BRDT: variants seen among roughly 807,000 people sequenced by gnomAD.
BRDT encodes bromodomain testis associated.
BRDT carries 77 observed loss-of-function variants against 113.9 expected under a neutral mutation model. The observed-to-expected ratio is 0.68, with a 90% CI of 0.56 to 0.82. The LOEUF (loss-of-function observed/expected upper bound fraction) is 0.82, where lower values mean the gene tolerates loss of function less well. Among genes scored for constraint, BRDT ranks in the 40% least tolerant of loss-of-function variants. BRDT has a pLI of 0.00. For missense variants in BRDT, 1,027 were observed against 1,105.4 expected, an observed-to-expected ratio of 0.93 and a Z score of 1.01; for synonymous variants, 358 against 366.5, an observed-to-expected ratio of 0.98 and a Z score of 0.26.
intron 11 of BRDT, 110 bp from the exon 12 acceptor site, chr1:91,981,508 T>C (rs900066804): frequency 7.8e-6 from 12 of 1,546,584 alleles, no homozygotes; most frequent in Non-Finnish European, 1.1e-5. Context: ...CCTCTCAAAG[T>C]GCTGAGATTA....
At chr1:91,957,897 T>TA (rs1557800060) in intron 1 of BRDT, among the ~76,000 whole-genome samples, 1 of 152,030 alleles carries the variant, frequency 6.6e-6, no homozygotes, top group East Asian at 1.9e-4. Flanking sequence ...GGCTGGAGTT[T>TA]AGTAGGGCCA....
intron 15 of BRDT, 55 bp downstream of exon 15, chr1:91,994,309 A>G (rs1686075022): frequency 2.2e-6 from 3 of 1,344,132 alleles, no homozygotes; most frequent in South Asian, 3.0e-5. Flanking sequence ...CTAAACCTAT[A>G]CATATATGAA....
chr1:91,955,820 T>C (rs990400845), intron 1 of BRDT, among the ~76,000 whole-genome samples: 1 of 152,240 alleles, frequency 6.6e-6, no homozygotes, highest in African/African-American at 2.4e-5. Context: ...ACTGAGAAGA[T>C]AATCAGATTA....
intron 12 of BRDT, among the ~76,000 whole-genome samples, chr1:91,982,012 CAATA>C (rs1221365147): frequency 2.0e-5 from 3 of 151,970 alleles, no homozygotes; most frequent in African/African-American, 7.3e-5. Context: ...GGGATAGTCT[CAATA>C]AATAATTTCA....
At chr1:91,976,164 T>C (rs1684119215) in intron 4 of BRDT, 102 bp from the exon 5 acceptor site, 3 of 1,202,444 alleles carry the variant, frequency 2.5e-6, no homozygotes, top group African/African-American at 1.6e-5. Context: ...CCTATGCTTA[T>C]ATTGCTAAAA....
rs1364217466 is a variant in BRDT, at chr1:91,977,388, A to G, written c.964A>G (p.Ile322Val). Residue 322 changes from isoleucine to valine, a missense_variant, in exon 6 of 19, where the codon ATT becomes GTT. Ile to Val is a conservative substitution (Grantham distance 29, BLOSUM62 3). Transcript: ENST00000399546. ...VVKNPMDLGT[I>V]KEKMDNQEYK... The stretch of plus-strand genomic sequence containing the variant: ...CAAAAATCCGATGGATCTTGGAACT[A>G]TTAAGGTAAATGTTGCCTTAAAAGG... 5.1e-6 allele frequency: 8 copies of G among 1,557,742 alleles called. No homozygotes were observed. The East Asian group carries it at 6.8e-5, about 13-fold the overall frequency.
intron 4 of BRDT, among the ~76,000 whole-genome samples, chr1:91,971,106 G>C (rs1321744996): frequency 6.6e-6 from 1 of 151,952 alleles, no homozygotes; most frequent in Non-Finnish European, 1.5e-5. Flanking sequence ...ATGGTGAGGT[G>C]GGGGTAGGGG....
At chr1:91,963,692 C>G (rs932168217) in intron 2 of BRDT, among the ~76,000 whole-genome samples, 1 of 151,866 alleles carries the variant, frequency 6.6e-6, no homozygotes, top group African/African-American at 2.4e-5. Context: ...TCTATGGAGT[C>G]AGACTCCATA....
chr1:91,984,443 T>C (rs541026102), intron 12 of BRDT, among the ~76,000 whole-genome samples: 5 of 152,260 alleles, frequency 3.3e-5, no homozygotes, highest in Admixed American at 3.3e-4. Flanking sequence ...TTCTTAATTA[T>C]ACTAGTAACA....
intron 6 of BRDT, among the ~76,000 whole-genome samples, chr1:91,977,808 T>C (rs568092887): frequency 6.6e-6 from 1 of 151,660 alleles, no homozygotes; most frequent in South Asian, 2.1e-4. Context: ...GGAGGAGAGG[T>C]TGCAGTGAGC....
At chr1:91,989,780 A>T (rs1685604415) in intron 12 of BRDT, among the ~76,000 whole-genome samples, 1 of 152,194 alleles carries the variant, frequency 6.6e-6, no homozygotes, top group Admixed American at 6.5e-5. Flanking sequence ...GCTGAGTGAC[A>T]TTAAGAAGGT....
intron 7 of BRDT, among the ~76,000 whole-genome samples, chr1:91,979,066 G>GA (rs1437654723): frequency 1.4e-5 from 2 of 147,938 alleles, no homozygotes; most frequent in Admixed American, 6.7e-5. Context: ...TATCTTGCCT[G>GA]AAAAAAATGG....
chr1:91,958,451 G>A (rs1175213776), intron 1 of BRDT, among the ~76,000 whole-genome samples: 2 of 151,924 alleles, frequency 1.3e-5, no homozygotes, highest in East Asian at 3.9e-4. Flanking sequence ...CCTGATCTTG[G>A]GTGGTCTACC....
At chr1:91,961,682 A>C (rs751726479) in intron 1 of BRDT, among the ~76,000 whole-genome samples, 90 of 151,952 alleles carry the variant, frequency 5.9e-4, no homozygotes, top group Non-Finnish European at 6.3e-4. Context: ...TAGCCAGAAC[A>C]TTTTTTTACT....
intron 3 of BRDT, 127 bp from the exon 4 acceptor site, chr1:91,968,019 A>T: frequency 1.1e-6 from 1 of 875,370 alleles, no homozygotes; most frequent in Non-Finnish European, 1.6e-6. Context: ...TATTTTCTAA[A>T]TTTATAAGAG....
chr1:91,968,529 A>G (rs1683299311), intron 4 of BRDT, among the ~76,000 whole-genome samples: 1 of 152,208 alleles, frequency 6.6e-6, no homozygotes, highest in Non-Finnish European at 1.5e-5. Context: ...TCAGAAAATC[A>G]TAGCTGTTAC....
intron 4 of BRDT, 149 bp downstream of exon 4, chr1:91,968,409 C>A: frequency 8.3e-7 from 1 of 1,206,546 alleles, no homozygotes; most frequent in Non-Finnish European, 1.1e-6. Flanking sequence ...AAACAATCTG[C>A]CAAACCTTGA....
Position 91,956,776 on chromosome 1 carries a change from C to G in BRDT, c.-37-5942C>G, listed in dbSNP as rs544063427. Reference sequence around the variant, plus strand: ...AACATAGTGAGACTCTGGCTCCCCCCCTTTCCTGAAAAAATAATTAACCAG... The same window carrying G: ...AACATAGTGAGACTCTGGCTCCCCCGCTTTCCTGAAAAAATAATTAACCAG... On this transcript the variant is annotated intron_variant, in intron 1 of 18. Transcript: ENST00000399546. Among the ~76,000 whole-genome samples, 10 of 152,068 alleles carry G rather than the reference C, an allele frequency of 6.6e-5. No homozygotes were observed. The East Asian group carries it at 7.7e-4, about 12-fold the overall frequency.
chr1:91,964,369 G>A (rs1228276295), intron 2 of BRDT, among the ~76,000 whole-genome samples: 1 of 152,022 alleles, frequency 6.6e-6, no homozygotes, highest in Non-Finnish European at 1.5e-5. Flanking sequence ...CCAATTTTCT[G>A]TATTTTTATT....
Sources: gnomAD v4.1 joint callset for allele counts (sites outside exome capture counted in the v4.1 genomes callset) on GRCh38, gnomAD v4.1.1 for gene constraint, MANE v1.5 for transcripts, NCBI Gene and HGNC (gene_info 2026-07-23, HGNC 2026-07-21) for gene names.